Variants in ARFGEF3 observed in about 807,000 individuals in gnomAD.
ARFGEF3 encodes brefeldin A-inhibited guanine nucleotide-exchange protein 3.
A neutral mutation model predicts 221.7 loss-of-function variants in ARFGEF3; 96 were observed. The observed-to-expected ratio is 0.43, with a 90% confidence interval of 0.37 to 0.51. The LOEUF is 0.51. Ranked by LOEUF, ARFGEF3 falls within the 20% of genes least tolerant of loss-of-function variation. The pLI is 0.00. For missense variants in ARFGEF3, 2,410 were observed against 2,789.9 expected (o/e 0.86, Z 3.07); for synonymous variants, 1,145 against 1,126.8 (o/e 1.02, Z -0.32).
intron 5 of ARFGEF3, among the ~76,000 whole-genome samples, 156 bp downstream of exon 5, chr6:138,230,008 T>A (rs1304432477): frequency 6.6e-6 from 1 of 152,140 alleles, no homozygotes; most frequent in Non-Finnish European, 1.5e-5. Flanking sequence ...GTGGGAAGCG[T>A]GCTGTGTGGT....
chr6:138,272,688 G>A (rs191731067), intron 12 of ARFGEF3, among the ~76,000 whole-genome samples: 28 of 152,266 alleles, frequency 1.8e-4, no homozygotes, highest in African/African-American at 6.0e-4. Context: ...AATTAGAGCC[G>A]TAGACTTAAA....
chr6:138,285,403 G>A (rs1034115770), intron 14 of ARFGEF3, among the ~76,000 whole-genome samples: 10 of 149,640 alleles, frequency 6.7e-5, no homozygotes, highest in East Asian at 3.9e-4. Flanking sequence ...GCAGTGAGCC[G>A]AGATCACGCC....
chr6:138,163,762 A>T (rs1402013270), intron 1 of ARFGEF3, among the ~76,000 whole-genome samples: 3 of 152,224 alleles, frequency 2.0e-5, no homozygotes, highest in Non-Finnish European at 4.4e-5. Flanking sequence ...GCCTGAGTGG[A>T]TGTACTTCCT....
chr6:138,198,917 C>T (rs1233425810), intron 2 of ARFGEF3, among the ~76,000 whole-genome samples: 2 of 152,178 alleles, frequency 1.3e-5, no homozygotes, highest in African/African-American at 2.4e-5. Flanking sequence ...GACGTTATGG[C>T]GTAGGCTTGA....
At position 138,223,571 on chromosome 6, in the gene ARFGEF3, GTTAA is replaced by G. The variant is rs543092425; in HGVS notation, c.352-6208_352-6205del. On this transcript the variant is annotated intron_variant, in intron 4 of 33. Coordinates refer to ENST00000251691, the MANE Select transcript of ARFGEF3 (RefSeq NM_020340.5). ...AGTTCCCCCCAAGAAGGAGTTGTGT[GTTAA>G]TTAAGATAATTTTTAACAGTTTAAG... is the stretch of plus-strand genomic sequence containing the variant. 2.4e-4 allele frequency among the ~76,000 whole-genome samples: 36 copies of G among 152,224 alleles called. No homozygotes were observed. The East Asian group carries it at 5.8e-3, about 24-fold the overall frequency.
intron 20 of ARFGEF3, among the ~76,000 whole-genome samples, chr6:138,294,909 G>A (rs1174065001): frequency 6.6e-6 from 1 of 152,188 alleles, no homozygotes; most frequent in Non-Finnish European, 1.5e-5. Context: ...CTATCCTTAG[G>A]AATCTAAAGT....
At position 138,337,336 on chromosome 6, in the gene ARFGEF3, G is replaced by A. The variant is rs374254738; in HGVS notation, c.*850G>A. 3 of 152,760 alleles carry A rather than the reference G, an allele frequency of 2.0e-5. No homozygotes were observed. The highest frequency in any genetic ancestry group is 7.2e-5 in the African/African-American group (3 of 41,568). 9.5% of individuals were successfully genotyped at this position (152,760 alleles called of 1,614,324 possible). On this transcript the variant is annotated 3_prime_UTR_variant, in exon 34 of 34. Coordinates refer to ENST00000251691, the MANE Select transcript of ARFGEF3 (RefSeq NM_020340.5). ...CAAACAAGGAAAGGAAAGGAAAGAA[G>A]AAAAGGTGCCTTAGTCCTTTGTTGC...
At chr6:138,185,735 C>T (rs188163517) in intron 2 of ARFGEF3, among the ~76,000 whole-genome samples, 17 of 152,264 alleles carry the variant, frequency 1.1e-4, no homozygotes, top group Middle Eastern at 3.4e-3. Flanking sequence ...ATTAGAGCCT[C>T]GACCTTTCTC....
chr6:138,334,834 G>C lies in ARFGEF3; in HGVS notation c.5988G>C (p.Lys1996Asn), dbSNP rs767616382. ...TGCCCCCCAGCCCCAAAGTGGAGAA[G>C]AAGGATCCCAGCCGGAAGAAGGAGT... ...LLLPPSPKVE[K>N]KDPSRKKEWW... The change falls in exon 33 of 34, where the codon AAG (lysine) becomes AAC (asparagine). Residue 1996 changes from lysine (K) to asparagine (N), a missense_variant. Physicochemically the swap from Lys to Asn is moderately conservative, Grantham distance 94 (BLOSUM62 0). Transcript: ENST00000251691. The surrounding 1 kb of genome is among the most constrained non-coding windows in gnomAD (Gnocchi z 5.1). The C allele has an allele frequency of 1.2e-6, 2 of 1,600,074 alleles. No homozygotes were observed. Among genetic ancestry groups the C allele is most frequent in the Admixed American group, 1.7e-5 (1 of 57,614 alleles).
intron 20 of ARFGEF3, 36 bp downstream of exon 20, chr6:138,294,162 G>T: frequency 1.2e-6 from 2 of 1,606,482 alleles, no homozygotes; most frequent in South Asian, 1.1e-5. Flanking sequence ...ATGCCAGGAA[G>T]TTAGCAGGAA....
rs909020630 is a variant in ARFGEF3, at chr6:138,334,853, A to G, written c.6007A>G (p.Lys2003Glu). Residue 2003 changes from lysine to glutamate, a missense_variant, in exon 33 of 34, where the codon AAG becomes GAG. Physicochemically the swap from Lys to Glu is moderately conservative, Grantham distance 56 (BLOSUM62 1). Transcript: ENST00000251691. The surrounding 1 kb of genome is among the most constrained non-coding windows in gnomAD (Gnocchi z 5.1). ...GGAGAAGAAGGATCCCAGCCGGAAG[A>G]AGGAGTGGTGGGAGAATGCGGGGAA... ...KVEKKDPSRK[K>E]EWWENAGNKI... 6.3e-7 allele frequency: 1 copy of G among 1,596,656 alleles called. No individual in the cohort carries two copies.
intron 19 of ARFGEF3, among the ~76,000 whole-genome samples, chr6:138,292,932 A>T (rs988313669): frequency 2.0e-5 from 3 of 152,208 alleles, no homozygotes; most frequent in Non-Finnish European, 4.4e-5. Flanking sequence ...AATATTCATC[A>T]CTGTTTTCTT....
Position 138,168,856 on chromosome 6 carries a change from G to A in ARFGEF3, c.86-1806G>A, listed in dbSNP as rs569091877. On this transcript the variant is annotated intron_variant, in intron 1 of 33. Coordinates refer to ENST00000251691, the MANE Select transcript of ARFGEF3 (RefSeq NM_020340.5). ...AATTCCCTGTATTTTCCTTCCTGGC[G>A]TTTATCATGCTTTGAAATGAGAATG... Among the ~76,000 whole-genome samples the A allele has an allele frequency of 5.3e-5, 8 of 152,266 alleles. No homozygotes were observed. The East Asian group carries it at 1.2e-3, about 22-fold the overall frequency.
intron 4 of ARFGEF3, among the ~76,000 whole-genome samples, chr6:138,227,286 C>T (rs948374074): frequency 1.3e-5 from 2 of 152,146 alleles, no homozygotes; most frequent in Non-Finnish European, 2.9e-5. Context: ...ATTACCAATA[C>T]TGCTAACTCA....
chr6:138,267,683 T>A (rs1778922759), intron 12 of ARFGEF3, among the ~76,000 whole-genome samples: 1 of 152,336 alleles, frequency 6.6e-6, no homozygotes, highest in South Asian at 2.1e-4. Context: ...TTTGTACCTT[T>A]CAAATCAATA....
chr6:138,309,892 G>A (rs2114664158), intron 24 of ARFGEF3, among the ~76,000 whole-genome samples: 2 of 152,298 alleles, frequency 1.3e-5, no homozygotes, highest in East Asian at 3.9e-4. Flanking sequence ...TGAGGGTGGA[G>A]CTCCCTTACT....
intron 10 of ARFGEF3, 31 bp downstream of exon 10, chr6:138,255,800 T>G: frequency 6.8e-7 from 1 of 1,469,640 alleles, no homozygotes; most frequent in Non-Finnish European, 9.1e-7. Context: ...GCCACCAGGT[T>G]TACAAGGGGG....
At chr6:138,292,774 C>T (rs965195105) in intron 19 of ARFGEF3, among the ~76,000 whole-genome samples, 3 of 152,190 alleles carry the variant, frequency 2.0e-5, no homozygotes, top group African/African-American at 4.8e-5. Flanking sequence ...CCCCAGCTGC[C>T]GGGTCATGTC....
At chr6:138,305,241 A>G (rs935197137) in intron 22 of ARFGEF3, among the ~76,000 whole-genome samples, 1 of 151,852 alleles carries the variant, frequency 6.6e-6, no homozygotes, top group African/African-American at 2.4e-5. Flanking sequence ...CTGTGATACC[A>G]AAGTCTCAAG....
Sources: gnomAD v4.1 joint callset for allele counts (sites outside exome capture counted in the v4.1 genomes callset) on GRCh38, gnomAD v4.1.1 for gene constraint, Gnocchi (gnomAD v3.1) non-coding constraint, MANE v1.5 for transcripts, NCBI Gene and HGNC (gene_info 2026-07-23, HGNC 2026-07-21) for gene names.